ANXA8: variants seen among roughly 807,000 people sequenced by gnomAD.
ANXA8 encodes annexin A8, also known as VAC-beta.
In ANXA8, 9 loss-of-function variants were observed where a neutral mutation model predicts 26.8. The ratio of observed to expected loss-of-function variants is 0.34; its 90% CI spans 0.20 to 0.59. The LOEUF is 0.59. ANXA8 is among the 20% of genes least tolerant of loss of function. The pLI, the probability that ANXA8 is intolerant of heterozygous loss-of-function variation, is 0.84. For synonymous variants in ANXA8, 39 were observed against 94.8 expected, an observed-to-expected ratio of 0.41 and a Z score of 3.42; for missense variants, 83 against 238.5, an observed-to-expected ratio of 0.35 and a Z score of 4.29.
the ANXA8 span, among the ~76,000 whole-genome samples, chr10:47,617,621 T>C: frequency 6.8e-6 from 1 of 147,818 alleles, no homozygotes; most frequent in Non-Finnish European, 1.5e-5. Flanking sequence ...ATGTTTTATA[T>C]GCCATGTTTT....
chr10:47,716,065 C>T, the ANXA8 span, among the ~76,000 whole-genome samples: 5 of 148,098 alleles, frequency 3.4e-5, no homozygotes, highest in Non-Finnish European at 5.9e-5. Context: ...TGCCACCACA[C>T]CCAGCTATTT....
the ANXA8 span, among the ~76,000 whole-genome samples, chr10:47,618,048 T>C: frequency 9.0e-6 from 1 of 111,110 alleles, no homozygotes; most frequent in East Asian, 2.1e-4. Context: ...GGCAATTGAC[T>C]GTCTACTGTT....
the ANXA8 span, among the ~76,000 whole-genome samples, chr10:47,724,894 T>C: frequency 2.2e-5 from 3 of 137,930 alleles, 1 homozygote; most frequent in Admixed American, 2.2e-4. Context: ...TCTCTATAGA[T>C]TTGTCTGTTC....
chr10:47,704,607 A>G, the ANXA8 span, among the ~76,000 whole-genome samples: 1 of 151,466 alleles, frequency 6.6e-6, no homozygotes, highest in Non-Finnish European at 1.5e-5. Flanking sequence ...TAAAACTGCC[A>G]TTATTATAGA....
the ANXA8 span, among the ~76,000 whole-genome samples, chr10:47,957,169 C>T: frequency 6.7e-6 from 1 of 150,070 alleles, no homozygotes; most frequent in Non-Finnish European, 1.5e-5. Context: ...TTCATGATCT[C>T]TCTGTGCTCC....
the ANXA8 span, among the ~76,000 whole-genome samples, chr10:47,960,744 T>C: frequency 6.8e-6 from 1 of 146,272 alleles, no homozygotes; most frequent in South Asian, 2.2e-4. Flanking sequence ...CCTGTGTTGA[T>C]CATGCCCCCC....
chr10:47,528,525 A>G, the ANXA8 span, among the ~76,000 whole-genome samples: 1 of 150,232 alleles, frequency 6.7e-6, no homozygotes, highest in Non-Finnish European at 1.5e-5. Context: ...TAACTTGAAA[A>G]GCAATTCGAG....
the ANXA8 span, among the ~76,000 whole-genome samples, chr10:47,717,911 T>C: frequency 6.7e-6 from 1 of 149,918 alleles, no homozygotes; most frequent in Admixed American, 6.7e-5. Context: ...GGCAGGAAAA[T>C]TGCTTGAACG....
the ANXA8 span, among the ~76,000 whole-genome samples, chr10:47,647,937 A>C: frequency 1.3e-5 from 2 of 151,900 alleles, no homozygotes; most frequent in South Asian, 4.1e-4. Context: ...CCACATACGG[A>C]CTTCCTCAGA....
the ANXA8 span, among the ~76,000 whole-genome samples, chr10:47,698,133 C>A: frequency 1.3e-5 from 2 of 150,994 alleles, no homozygotes; most frequent in African/African-American, 2.5e-5. Context: ...AACTAGGTAG[C>A]CTTTATTGTG....
At chr10:47,699,610 T>C in the ANXA8 span, among the ~76,000 whole-genome samples, 1 of 150,948 alleles carries the variant, frequency 6.6e-6, no homozygotes, top group South Asian at 2.1e-4. Flanking sequence ...GTGGACAGCT[T>C]GAGCCCAGGA....
chr10:47,564,995 C>T, the ANXA8 span: 5 of 1,027,556 alleles, frequency 4.9e-6, no homozygotes, highest in African/African-American at 4.8e-5. Context: ...CATCGTCCAC[C>T]GTCTGGCCGG....
At chr10:47,918,431 A>AAGAAAG in the ANXA8 span, among the ~76,000 whole-genome samples, 1 of 31,096 alleles carries the variant, frequency 3.2e-5, no homozygotes, top group East Asian at 5.7e-4. Context: ...GAAAGAAAGA[A>AAGAAAG]AGAGAGAGAG....
chr10:47,536,616 T>C, the ANXA8 span, among the ~76,000 whole-genome samples: 2 of 129,842 alleles, frequency 1.5e-5, no homozygotes, highest in South Asian at 4.5e-4. Flanking sequence ...AACATAACTA[T>C]CTATATATAC....
the ANXA8 span, among the ~76,000 whole-genome samples, chr10:47,942,662 G>T: frequency 6.3e-5 from 9 of 142,508 alleles, 3 homozygotes; most frequent in African/African-American, 2.2e-4. Flanking sequence ...AATGAGTCCT[G>T]CTGTTGCTGG....
the ANXA8 span, among the ~76,000 whole-genome samples, chr10:47,969,781 C>T: frequency 2.8e-4 from 42 of 150,738 alleles, no homozygotes; most frequent in African/African-American, 6.1e-4. Flanking sequence ...GGTGGTGTGA[C>T]GGTAACTCAC....
At chr10:47,743,325 T>TAC in the ANXA8 span, among the ~76,000 whole-genome samples, 478 of 42,260 alleles carry the variant, frequency 0.011, 68 homozygotes, top group South Asian at 0.032. Flanking sequence ...CATATATATA[T>TAC]ATACATATAT....
At chr10:47,951,223 T>C in the ANXA8 span, among the ~76,000 whole-genome samples, 1 of 150,388 alleles carries the variant, frequency 6.6e-6, no homozygotes, top group Non-Finnish European at 1.5e-5. Flanking sequence ...AAAGAAAAAT[T>C]ACTAAAGCCC....
chr10:47,495,827 T>A, the ANXA8 span, among the ~76,000 whole-genome samples: 1 of 150,820 alleles, frequency 6.6e-6, no homozygotes, highest in Non-Finnish European at 1.5e-5. Context: ...GAACAGGGCA[T>A]GGGGGGCAAC....
Sources: allele counts gnomAD v4.1 joint callset (sites outside exome capture counted in the v4.1 genomes callset), GRCh38; gene constraint gnomAD v4.1.1; transcripts MANE v1.5; gene names NCBI Gene and HGNC (gene_info 2026-07-23, HGNC 2026-07-21).